The following CNDP1 variants were observed in gnomAD, a reference collection of about 807,000 sequenced individuals.
The protein encoded by CNDP1 is carnosine dipeptidase 1.
In CNDP1, 44 loss-of-function variants were observed where a neutral mutation model predicts 58.1. The observed-to-expected ratio is 0.76, with a 90% confidence interval of 0.60 to 0.97. The LOEUF is 0.97. CNDP1 is among the 50% of genes least tolerant of loss of function. The probability of loss-of-function intolerance (pLI) is 0.00; values close to 1 mark genes in which losing one functional copy is unlikely to be tolerated. For missense variants in CNDP1, 616 were observed against 655.1 expected (o/e 0.94, Z 0.65); for synonymous variants, 254 against 252.6 (o/e 1.01, Z -0.05).
In CNDP1 at chr18:74,583,835, G is replaced by A. The variant is rs1028787358; in HGVS notation, c.1457+127G>A. The A allele has an allele frequency of 1.2e-5, 11 of 920,098 alleles. No individual in the cohort carries two copies. In the Admixed American group the frequency reaches 2.2e-4, roughly 18 times the overall value. The allele number at this position is 920,098 out of a possible 1,614,324, so 57.0% of individuals were successfully genotyped here. On this transcript the variant is annotated intron_variant, in intron 11 of 11. Transcript: ENST00000358821. Reference sequence around the variant, plus strand: ...AAATCGTCCAGACTGGGAGCTTAAAGAACAGACATTCATTCCTCACAGTTC... The same window carrying A: ...AAATCGTCCAGACTGGGAGCTTAAAAAACAGACATTCATTCCTCACAGTTC...
chr18:74,555,653 G>A (rs1329337134), intron 1 of CNDP1, among the ~76,000 whole-genome samples: 5 of 152,278 alleles, frequency 3.3e-5, no homozygotes, highest in Middle Eastern at 3.4e-3. Flanking sequence ...TGGGGAGACT[G>A]AGAAGGGGTC....
In CNDP1 at chr18:74,567,268, G is replaced by A. The variant is rs763773745; in HGVS notation, c.591G>A (p.Gly197=). 1.9e-6 allele frequency: 3 copies of A among 1,614,074 alleles called. No homozygotes were observed. The African/African-American group carries it at 4.0e-5, about 22-fold the overall frequency. ...TGAATATCAAATTCATCATTGAGGG[G>A]ATGGAAGAGGCTGGCTCTGTTGCCC... ...LPVNIKFIIE[G]MEEAGSVALE... Residue 197 remains glycine, a synonymous_variant, in exon 6 of 12, where the codon GGG becomes GGA. Coordinates refer to ENST00000358821, the MANE Select transcript of CNDP1 (RefSeq NM_032649.6).
chr18:74,556,188 A>G, intron 1 of CNDP1, 150 bp from the exon 2 acceptor site: 1 of 792,714 alleles, frequency 1.3e-6, no homozygotes, highest in Non-Finnish European at 2.0e-6. Context: ...CAAAAAATAC[A>G]TGTTTGGTTC....
chr18:74,544,813 T>C (rs965049876), intron 1 of CNDP1, among the ~76,000 whole-genome samples: 1 of 151,712 alleles, frequency 6.6e-6, no homozygotes, highest in Non-Finnish European at 1.5e-5. Context: ...AAAATGCCTG[T>C]CCACCTGGAA....
intron 1 of CNDP1, among the ~76,000 whole-genome samples, chr18:74,549,374 TGTTA>T (rs1980840538): frequency 6.6e-6 from 1 of 152,262 alleles, no homozygotes; most frequent in African/African-American, 2.4e-5. Context: ...ATGATTCTGA[TGTTA>T]GTTCTGTTTA....
chr18:74,571,687 A>G (rs1180552153), intron 7 of CNDP1, among the ~76,000 whole-genome samples: 1 of 152,232 alleles, frequency 6.6e-6, no homozygotes, highest in Non-Finnish European at 1.5e-5. Flanking sequence ...TTGACTGAAG[A>G]TAAATCAACA....
intron 1 of CNDP1, among the ~76,000 whole-genome samples, chr18:74,549,434 A>G (rs1980842179): frequency 6.6e-6 from 1 of 152,224 alleles, no homozygotes; most frequent in Non-Finnish European, 1.5e-5. Flanking sequence ...TCACATTGAA[A>G]ATCAGTCAGA....
In CNDP1 at chr18:74,558,672, G is replaced by A. The variant is rs112356562; in HGVS notation, c.154-651G>A. On this transcript the variant is annotated intron_variant, in intron 2 of 11. Coordinates refer to ENST00000358821, the MANE Select transcript of CNDP1 (RefSeq NM_032649.6). ...GCCTCCCAAAGTGCTGGGATTACAG[G>A]TGTGAGCCACCGCACCCGGCTGGGA... Among the ~76,000 whole-genome samples the A allele has an allele frequency of 4.6e-3, 698 of 152,196 alleles. 9 individuals carry two copies. Among genetic ancestry groups the A allele is most frequent in the African/African-American group, 0.015 (630 of 41,524 alleles).
At chr18:74,573,296 A>G (rs912353149) in intron 7 of CNDP1, among the ~76,000 whole-genome samples, 1 of 151,616 alleles carries the variant, frequency 6.6e-6, no homozygotes, top group Non-Finnish European at 1.5e-5. Context: ...CCATCCATCT[A>G]TCCATTCATC....
At position 74,585,641 on chromosome 18, in the gene CNDP1, A is replaced by C. The variant is rs973614266; in HGVS notation, c.*1079A>C. ...TTTATGAATTTATTATTTAAATCAC[A>C]TTAATGGAGAATCATTTAGGGGCTT... On this transcript the variant is annotated 3_prime_UTR_variant, in exon 12 of 12. Coordinates refer to ENST00000358821, the MANE Select transcript of CNDP1 (RefSeq NM_032649.6). 6.6e-6 allele frequency: 1 copy of C among 152,236 alleles called. No individual in the cohort carries two copies. Among genetic ancestry groups the C allele is most frequent in the Non-Finnish European group, 1.5e-5 (1 of 68,038 alleles). The allele number at this position is 152,236 out of a possible 1,614,324, so 9.4% of individuals were successfully genotyped here.
intron 1 of CNDP1, among the ~76,000 whole-genome samples, chr18:74,540,895 A>G (rs898041657): frequency 6.6e-6 from 1 of 151,998 alleles, no homozygotes; most frequent in Non-Finnish European, 1.5e-5. Context: ...TCCCTAACTC[A>G]CTCCAGCACT....
chr18:74,551,905 T>C (rs1599089663), intron 1 of CNDP1, among the ~76,000 whole-genome samples: 1 of 149,968 alleles, frequency 6.7e-6, no homozygotes, highest in East Asian at 1.9e-4. Context: ...ATTGGATCGA[T>C]TGCGAAAAAA....
chr18:74,541,571 G>A (rs190720505), intron 1 of CNDP1, among the ~76,000 whole-genome samples: 2 of 152,288 alleles, frequency 1.3e-5, no homozygotes, highest in East Asian at 3.9e-4. Flanking sequence ...GAGGAAATAT[G>A]CACATGCGGT....
chr18:74,578,817 C>A (rs1057375196), intron 9 of CNDP1, among the ~76,000 whole-genome samples: 2 of 152,172 alleles, frequency 1.3e-5, no homozygotes, highest in African/African-American at 4.8e-5. Flanking sequence ...CAGAAAGTCT[C>A]AGGCCTCAAT....
chr18:74,541,660 G>A (rs1017072244), intron 1 of CNDP1, among the ~76,000 whole-genome samples: 5 of 152,204 alleles, frequency 3.3e-5, no homozygotes, highest in Admixed American at 6.5e-5. Context: ...CAAGGCTGGA[G>A]CAGGGGACCT....
At chr18:74,556,267 A>G in intron 1 of CNDP1, 71 bp from the exon 2 acceptor site, 1 of 1,545,782 alleles carries the variant, frequency 6.5e-7, no homozygotes, top group Non-Finnish European at 8.7e-7. Context: ...CTTCTTGAGG[A>G]ATTTGGAAGG....
intron 1 of CNDP1, among the ~76,000 whole-genome samples, chr18:74,550,622 G>T (rs559395170): frequency 1.5e-4 from 22 of 151,334 alleles, no homozygotes; most frequent in African/African-American, 3.9e-4. Context: ...TGTCACCCAG[G>T]CTGGAGTGCA....
chr18:74,583,084 G>T (rs768710830), intron 10 of CNDP1, among the ~76,000 whole-genome samples: 13 of 152,122 alleles, frequency 8.5e-5, no homozygotes, highest in Non-Finnish European at 1.9e-4. Context: ...TCGGCTCACC[G>T]CAACCTCCAT....
At chr18:74,576,626 C>G (rs944467174) in intron 7 of CNDP1, 7 of 395,296 alleles carry the variant, frequency 1.8e-5, no homozygotes, top group African/African-American at 1.4e-4. Context: ...TGTTTTCAGC[C>G]ACACCTTTGA....
Sources: gnomAD v4.1 joint callset for allele counts (sites outside exome capture counted in the v4.1 genomes callset) on GRCh38, gnomAD v4.1.1 for gene constraint, MANE v1.5 for transcripts, NCBI Gene and HGNC (gene_info 2026-07-23, HGNC 2026-07-21) for gene names.